The following CCDC171 variants were observed in gnomAD, a reference collection of about 807,000 sequenced individuals.
CCDC171 encodes coiled-coil domain-containing protein 171.
CCDC171 carries 177 observed loss-of-function variants against 168.2 expected under a neutral mutation model. The observed-to-expected ratio is 1.05, with a 90% CI of 0.93 to 1.19. CCDC171 has a LOEUF of 1.19. Among genes scored for constraint, CCDC171 ranks in the 50% most tolerant of loss-of-function variants. The pLI is 0.00. For synonymous variants in CCDC171, 687 were observed against 540.8 expected, an observed-to-expected ratio of 1.27 and a Z score of -3.75; for missense variants, 1,991 against 1,539.0, an observed-to-expected ratio of 1.29 and a Z score of -4.91.
intron 18 of CCDC171, among the ~76,000 whole-genome samples, chr9:15,746,867 T>C (rs2055329603): frequency 6.6e-6 from 1 of 152,188 alleles, no homozygotes. Context: ...TGTGAGAGAC[T>C]GTACTGGGAG....
At chr9:16,034,230 C>T (rs145969129) in intron 6 of CCDC171, among the ~76,000 whole-genome samples, 363 of 152,242 alleles carry the variant, frequency 2.4e-3, no homozygotes, top group Non-Finnish European at 4.4e-3. Flanking sequence ...TAGCAAGAGG[C>T]GTGACTTCAG....
In CCDC171 at chr9:15,593,025, C is replaced by T. The variant is rs1343732243; in HGVS notation, c.544-1016C>T. Among the ~76,000 whole-genome samples the T allele has an allele frequency of 2.6e-5, 4 of 151,836 alleles. No homozygotes were observed. The East Asian group carries it at 7.7e-4, about 29-fold the overall frequency. On this transcript the variant is annotated intron_variant, in intron 5 of 25. Transcript: ENST00000380701. The stretch of plus-strand genomic sequence containing the variant: ...TCTCCTAATGCTATCCCTCCCCACT[C>T]CCCCACCCCACAACAGTCCCCAGAG...
intron 3 of CCDC171, among the ~76,000 whole-genome samples, chr9:16,019,744 A>G (rs1833111938): frequency 6.6e-6 from 1 of 152,196 alleles, no homozygotes; most frequent in African/African-American, 2.4e-5. Context: ...AAATGTAAAT[A>G]TTTTGACAAA....
chr9:16,055,311 G>T (rs1443312309), intron 1 of CCDC171, among the ~76,000 whole-genome samples: 2 of 152,134 alleles, frequency 1.3e-5, no homozygotes, highest in Non-Finnish European at 2.9e-5. Flanking sequence ...TTCAGAGAGA[G>T]TTCAGGAGGC....
intron 25 of CCDC171, among the ~76,000 whole-genome samples, chr9:15,960,036 G>C (rs1830193666): frequency 6.6e-6 from 1 of 152,186 alleles, no homozygotes; most frequent in African/African-American, 2.4e-5. Flanking sequence ...AGCAGCTCTT[G>C]ATGGGGAATC....
At chr9:16,090,365 A>G in the CCDC171 span, among the ~76,000 whole-genome samples, 2 of 152,158 alleles carry the variant, frequency 1.3e-5, no homozygotes, top group African/African-American at 2.4e-5. Context: ...GAGCTGAACA[A>G]TGAAAACACA....
At chr9:15,731,163 T>C (rs973994423) in intron 16 of CCDC171, among the ~76,000 whole-genome samples, 1 of 152,036 alleles carries the variant, frequency 6.6e-6, no homozygotes, top group African/African-American at 2.4e-5. Context: ...CACTAGACCT[T>C]ATTCCTTCTA....
chr9:15,919,789 C>T (rs998764551), intron 24 of CCDC171, among the ~76,000 whole-genome samples: 1 of 151,604 alleles, frequency 6.6e-6, no homozygotes, highest in East Asian at 1.9e-4. Context: ...ATAAGAATCA[C>T]ATTTACTCTT....
At chr9:15,727,834 T>A in intron 14 of CCDC171, 35 bp from the exon 15 acceptor site, 1 of 1,561,790 alleles carries the variant, frequency 6.4e-7, no homozygotes, top group South Asian at 1.2e-5. Flanking sequence ...AATGTTTATA[T>A]ACAGCAATTA....
At position 15,821,275 on chromosome 9, in the gene CCDC171, A is replaced by C. The variant is rs1226871945; in HGVS notation, c.3268-25427A>C. On this transcript the variant is annotated intron_variant, in intron 21 of 25. Transcript: ENST00000380701. ...GGAAGCATTCCCTTTGAAAACTGGC[A>C]CAAGACAGGGATGCCCTCTCTCACC... Among the ~76,000 whole-genome samples, 17 of 117,486 alleles carry C rather than the reference A, an allele frequency of 1.4e-4. 3 individuals are homozygous for C. The East Asian group carries it at 1.9e-3, about 13-fold the overall frequency. 77.1% of individuals were successfully genotyped at this position (117,486 alleles called of 152,430 possible).
chr9:15,677,876 TGTC>T, intron 9 of CCDC171, among the ~76,000 whole-genome samples: 1 of 65,542 alleles, frequency 1.5e-5, no homozygotes, highest in Non-Finnish European at 2.8e-5. Context: ...TGTGTGTGTG[TGTC>T]ATATATATAT....
At chr9:15,888,199 G>A (rs1310867004) in intron 24 of CCDC171, 1 of 152,118 alleles carries the variant, frequency 6.6e-6, no homozygotes, top group Non-Finnish European at 1.5e-5. Context: ...ATTTTTAAAG[G>A]AGTACTACTT....
At chr9:15,884,109 C>T (rs767417576) in intron 24 of CCDC171, among the ~76,000 whole-genome samples, 2 of 152,060 alleles carry the variant, frequency 1.3e-5, no homozygotes, top group Admixed American at 6.6e-5. Context: ...TATTACAATT[C>T]TTGTGGTAGC....
chr9:16,107,667 G>A, the CCDC171 span, among the ~76,000 whole-genome samples: 39,935 of 151,944 alleles, frequency 0.26, 6,169 homozygotes, highest in Non-Finnish European at 0.35. Flanking sequence ...AACTATTTGA[G>A]AGTAAGTTGC....
intron 21 of CCDC171, among the ~76,000 whole-genome samples, chr9:15,807,538 T>C (rs1208156910): frequency 6.6e-6 from 1 of 152,174 alleles, no homozygotes; most frequent in Non-Finnish European, 1.5e-5. Context: ...ATGACACATA[T>C]AATAAATGTA....
At chr9:15,825,113 C>T (rs1007564969) in intron 21 of CCDC171, among the ~76,000 whole-genome samples, 2 of 152,074 alleles carry the variant, frequency 1.3e-5, no homozygotes, top group Non-Finnish European at 2.9e-5. Flanking sequence ...CTTCATCCAC[C>T]TATGACTGAA....
intron 6 of CCDC171, among the ~76,000 whole-genome samples, chr9:15,610,457 A>AAAAAAAAAAAAAAAAC (rs1464750159): frequency 7.9e-6 from 1 of 127,230 alleles, no homozygotes; most frequent in East Asian, 2.6e-4. Context: ...AAAAAAAAAA[A>AAAAAAAAAAAAAAAAC]AAAAAAAAAA....
intron 11 of CCDC171, among the ~76,000 whole-genome samples, chr9:15,696,598 G>A (rs1196333228): frequency 1.3e-5 from 2 of 152,158 alleles, no homozygotes; most frequent in Admixed American, 1.3e-4. Context: ...TATCAGTGGT[G>A]TTTAATGGTG....
chr9:16,105,084 C>G, the CCDC171 span, among the ~76,000 whole-genome samples: 1 of 152,280 alleles, frequency 6.6e-6, no homozygotes, highest in African/African-American at 2.4e-5. Flanking sequence ...ATTTGCTTGC[C>G]AAAGACTAAA....
Sources: allele counts gnomAD v4.1 joint callset (sites outside exome capture counted in the v4.1 genomes callset), GRCh38; gene constraint gnomAD v4.1.1; transcripts MANE v1.5; gene names NCBI Gene and HGNC (gene_info 2026-07-23, HGNC 2026-07-21).